Variants in AGPS observed in about 807,000 individuals in gnomAD.
The protein encoded by AGPS is alkyldihydroxyacetonephosphate synthase, peroxisomal.
Under a neutral mutation model 90.7 loss-of-function variants are expected in AGPS, and 26 were observed. The ratio of observed to expected loss-of-function variants is 0.29; its 90% CI spans 0.21 to 0.40. The LOEUF (loss-of-function observed/expected upper bound fraction) is 0.40, where lower values mean the gene tolerates loss of function less well. AGPS is among the 10% of genes least tolerant of loss of function. The pLI is 1.00. For missense variants in AGPS, 540 were observed against 816.1 expected (o/e 0.66, Z 4.12); for synonymous variants, 294 against 285.3 (o/e 1.03, Z -0.31).
chr2:177,493,655 G>A (rs1399752151), intron 12 of AGPS, among the ~76,000 whole-genome samples: 6 of 152,200 alleles, frequency 3.9e-5, no homozygotes, highest in Non-Finnish European at 8.8e-5. Context: ...GGTTAGAGTT[G>A]TTACATGAGA....
intron 8 of AGPS, among the ~76,000 whole-genome samples, chr2:177,453,711 T>C (rs1687022562): frequency 6.9e-6 from 1 of 144,806 alleles, no homozygotes; most frequent in Non-Finnish European, 1.5e-5. Context: ...TTTTTTTTTT[T>C]TGGAGACAGA....
chr2:177,507,466 G>A (rs1279437800), intron 15 of AGPS, among the ~76,000 whole-genome samples: 1 of 152,084 alleles, frequency 6.6e-6, no homozygotes, highest in Non-Finnish European at 1.5e-5. Flanking sequence ...TCAGATAGCT[G>A]CACTATATTA....
Position 177,537,809 on chromosome 2 carries a change from A to G in AGPS, c.1856-265A>G, listed in dbSNP as rs539450381. Among the ~76,000 whole-genome samples, 6 of 152,226 alleles carry G rather than the reference A, an allele frequency of 3.9e-5. No homozygotes were observed. In the East Asian group the frequency reaches 9.6e-4, roughly 24 times the overall value. On this transcript the variant is annotated intron_variant, in intron 19 of 19. Coordinates refer to ENST00000264167, the MANE Select transcript of AGPS (RefSeq NM_003659.4). ...CATTTTGTTATTTGTAAAATGGGCTATAATCTCTGTCCAAGCTTCCTTCAA... is the reference window on the plus strand; with the variant it reads ...CATTTTGTTATTTGTAAAATGGGCTGTAATCTCTGTCCAAGCTTCCTTCAA...
At chr2:177,420,774 GT>G (rs922135578) in intron 2 of AGPS, among the ~76,000 whole-genome samples, 1 of 151,758 alleles carries the variant, frequency 6.6e-6, no homozygotes, top group African/African-American at 2.4e-5. Context: ...ATGCCATTCA[GT>G]TTTTTGAAAG....
In AGPS at chr2:177,542,865, A is replaced by G. The variant is rs2079250274; in HGVS notation, c.*4670A>G. 3 of 152,138 alleles carry G rather than the reference A, an allele frequency of 2.0e-5. No homozygotes were observed. The highest frequency in any genetic ancestry group is 2.0e-4 in the Admixed American group (3 of 15,280). 9.4% of individuals were successfully genotyped at this position (152,138 alleles called of 1,614,324 possible). On this transcript the variant is annotated 3_prime_UTR_variant, in exon 20 of 20. Coordinates refer to ENST00000264167, the MANE Select transcript of AGPS (RefSeq NM_003659.4). The stretch of plus-strand genomic sequence containing the variant: ...TTGGGATTTTTTTTTTCCATGAACT[A>G]GCCATTATTTTAAATGAGTGGGAGA...
intron 14 of AGPS, 47 bp from the exon 15 acceptor site, chr2:177,505,459 T>G: frequency 7.6e-5 from 113 of 1,493,980 alleles, no homozygotes; most frequent in Non-Finnish European, 9.9e-5. Context: ...TTATGATAAA[T>G]GAGATTAAGA....
Position 177,541,049 on chromosome 2 carries a change from G to A in AGPS, c.*2854G>A, listed in dbSNP as rs573858822. The stretch of plus-strand genomic sequence containing the variant: ...AAGAGGATTATATTATTTCTTCTAA[G>A]GAAGTAGGAGTTTTCTTCCTAAAAG... On this transcript the variant is annotated 3_prime_UTR_variant, in exon 20 of 20. Coordinates refer to ENST00000264167, the MANE Select transcript of AGPS (RefSeq NM_003659.4). 1 of 152,196 alleles carries A rather than the reference G, an allele frequency of 6.6e-6. No individual in the cohort carries two copies. The highest frequency in any genetic ancestry group is 2.1e-4 in the South Asian group (1 of 4,828). The allele number at this position is 152,196 out of a possible 1,614,324, so 9.4% of individuals were successfully genotyped here.
Position 177,542,485 on chromosome 2 carries a change from T to C in AGPS, c.*4290T>C, listed in dbSNP as rs1484329341. Reference sequence around the variant, plus strand: ...GAACCATCACAGAATTTAGTAACTTTAGTTCTGTGAACATGAAAAGATTTC... The same window carrying C: ...GAACCATCACAGAATTTAGTAACTTCAGTTCTGTGAACATGAAAAGATTTC... On this transcript the variant is annotated 3_prime_UTR_variant, in exon 20 of 20. Coordinates refer to ENST00000264167, the MANE Select transcript of AGPS (RefSeq NM_003659.4). 1.3e-5 allele frequency: 2 copies of C among 152,204 alleles called. No individual in the cohort carries two copies. Among genetic ancestry groups the C allele is most frequent in the Admixed American group, 6.5e-5 (1 of 15,282 alleles). The allele number at this position is 152,204 out of a possible 1,614,324, so 9.4% of individuals were successfully genotyped here.
At chr2:177,510,047 G>A (rs1406026342) in intron 16 of AGPS, among the ~76,000 whole-genome samples, 2 of 152,106 alleles carry the variant, frequency 1.3e-5, no homozygotes, top group East Asian at 1.9e-4. Flanking sequence ...CTTTTAACGC[G>A]TCTAAGACCA....
intron 5 of AGPS, among the ~76,000 whole-genome samples, chr2:177,437,603 A>G (rs1376723859): frequency 6.6e-6 from 1 of 152,136 alleles, no homozygotes; most frequent in Non-Finnish European, 1.5e-5. Flanking sequence ...TAGGTACTAT[A>G]TTTATAAATC....
At chr2:177,509,342 T>C (rs1574020850) in intron 16 of AGPS, among the ~76,000 whole-genome samples, 1 of 152,192 alleles carries the variant, frequency 6.6e-6, no homozygotes, top group East Asian at 1.9e-4. Context: ...ATAAAAAAAT[T>C]ATCAAGTCAT....
intron 9 of AGPS, among the ~76,000 whole-genome samples, chr2:177,464,029 C>T (rs948326389): frequency 2.0e-5 from 3 of 152,276 alleles, no homozygotes; most frequent in East Asian, 1.9e-4. Context: ...GCAACCTCCG[C>T]GTCCCGGGTT....
chr2:177,526,217 A>C (rs1196288633), intron 19 of AGPS, among the ~76,000 whole-genome samples: 1 of 150,176 alleles, frequency 6.7e-6, no homozygotes, highest in East Asian at 2.0e-4. Context: ...TAATGTAAAT[A>C]GCTTCTTGTC....
At chr2:177,478,611 A>G (rs1687856238) in intron 10 of AGPS, among the ~76,000 whole-genome samples, 2 of 152,036 alleles carry the variant, frequency 1.3e-5, no homozygotes, top group Admixed American at 6.6e-5. Context: ...GCCAGAGACC[A>G]TCTGTTGTTA....
intron 1 of AGPS, among the ~76,000 whole-genome samples, chr2:177,418,846 A>G (rs574056976): frequency 2.5e-4 from 38 of 152,004 alleles, no homozygotes; most frequent in South Asian, 4.1e-4. Context: ...CACTGGTAAC[A>G]TTAGTCGTGA....
chr2:177,508,893 A>C (rs1354551951), intron 16 of AGPS, among the ~76,000 whole-genome samples: 1 of 152,038 alleles, frequency 6.6e-6, no homozygotes, highest in South Asian at 2.1e-4. Context: ...GTACTCAAAA[A>C]CTCTCAGATT....
chr2:177,445,511 C>T (rs762378793), intron 7 of AGPS, 35 bp from the exon 8 acceptor site: 3 of 1,518,404 alleles, frequency 2.0e-6, no homozygotes, highest in Non-Finnish European at 1.8e-6. Flanking sequence ...ATTAGTAGTT[C>T]CTGGAGATCA....
intron 10 of AGPS, among the ~76,000 whole-genome samples, chr2:177,472,870 C>T (rs1424106421): frequency 6.6e-6 from 1 of 152,164 alleles, no homozygotes; most frequent in Non-Finnish European, 1.5e-5. Flanking sequence ...GTGTACACAT[C>T]TTGCTTCTCC....
chr2:177,461,868 A>T (rs759746301), intron 8 of AGPS, 25 bp from the exon 9 acceptor site: 1 of 1,600,964 alleles, frequency 6.2e-7, no homozygotes, highest in African/African-American at 1.3e-5. Context: ...TTTTCACTGT[A>T]AAATGTTAAA....
Sources: gnomAD v4.1 joint callset for allele counts (sites outside exome capture counted in the v4.1 genomes callset) on GRCh38, gnomAD v4.1.1 for gene constraint, MANE v1.5 for transcripts, NCBI Gene and HGNC (gene_info 2026-07-23, HGNC 2026-07-21) for gene names.